The following MALSU1 variants were observed in gnomAD, a reference collection of about 807,000 sequenced individuals.
MALSU1 encodes mitochondrial assembly of ribosomal large subunit protein 1.
Under a neutral mutation model 22.1 loss-of-function variants are expected in MALSU1, and 22 were observed. The ratio of observed to expected loss-of-function variants is 1.00; its 90% CI spans 0.71 to 1.42. The LOEUF (loss-of-function observed/expected upper bound fraction) is 1.42, where lower values mean the gene tolerates loss of function less well. MALSU1 is among the 40% of genes most tolerant of loss of function. MALSU1 has a pLI of 0.00. For missense variants in MALSU1, 379 were observed against 308.3 expected (o/e 1.23, Z -1.72); for synonymous variants, 153 against 118.5 (o/e 1.29, Z -1.89).
Position 23,309,615 on chromosome 7 carries a change from G to C in MALSU1, c.*72G>C. On this transcript the variant is annotated 3_prime_UTR_variant, in exon 4 of 4. Coordinates refer to ENST00000466681, the MANE Select transcript of MALSU1 (RefSeq NM_138446.2). ...CTTATTGGAAAATACAGCTCCTAAA[G>C]TCCGTCTCCTTGGTTAGGCTGCTCT... 3 of 1,261,564 alleles carry C rather than the reference G, an allele frequency of 2.4e-6. No homozygotes were observed. The highest frequency in any genetic ancestry group is 3.3e-6 in the Non-Finnish European group (3 of 922,724). 78.1% of individuals were successfully genotyped at this position (1,261,564 alleles called of 1,614,324 possible). A position where few individuals can be genotyped will look rare whatever the true frequency, so the allele number is the denominator to read the frequency against.
chr7:23,301,302 C>G (rs1386409725), intron 2 of MALSU1: 3 of 234,376 alleles, frequency 1.3e-5, no homozygotes, highest in Non-Finnish European at 2.5e-5. Context: ...CTCTTGTTGC[C>G]CAGGCTGGAG....
chr7:23,308,064 T>C (rs368625756), intron 3 of MALSU1, 115 bp downstream of exon 3: 34 of 894,210 alleles, frequency 3.8e-5, no homozygotes, highest in East Asian at 2.9e-4. Flanking sequence ...AGGTAAGATT[T>C]TTGAAGTGTG....
chr7:23,308,004 A>T, intron 3 of MALSU1, 55 bp downstream of exon 3: 1 of 1,266,138 alleles, frequency 7.9e-7, no homozygotes, highest in Non-Finnish European at 1.2e-6. Flanking sequence ...CTAATCTTGA[A>T]TTGTTTTCAG....
At chr7:23,302,674 T>C (rs1157914040) in intron 2 of MALSU1, among the ~76,000 whole-genome samples, 1 of 152,120 alleles carries the variant, frequency 6.6e-6, no homozygotes, top group Admixed American at 6.5e-5. Context: ...TGTGAAAGAA[T>C]AAAGAAATAG....
rs1375707026 is a variant in MALSU1, at chr7:23,310,744, T to C, written c.*1201T>C. 1 of 152,214 alleles carries C rather than the reference T, an allele frequency of 6.6e-6. No individual in the cohort carries two copies. Among genetic ancestry groups the C allele is most frequent in the Non-Finnish European group, 1.5e-5 (1 of 68,040 alleles). 9.4% of individuals were successfully genotyped at this position (152,214 alleles called of 1,614,324 possible). A position where few individuals can be genotyped will look rare whatever the true frequency, so the allele number is the denominator to read the frequency against. On this transcript the variant is annotated 3_prime_UTR_variant, in exon 4 of 4. Coordinates refer to ENST00000466681, the MANE Select transcript of MALSU1 (RefSeq NM_138446.2). ...TGTCTAATTGATCTTCAGAAAAACA[T>C]CTAGTCTGTATAGAAATTCATCTTG... is the stretch of plus-strand genomic sequence containing the variant.
At position 23,308,188 on chromosome 7, in the gene MALSU1, A is replaced by T. The variant is rs546231025; in HGVS notation, c.517+239A>T. Among the ~76,000 whole-genome samples, 4 of 152,346 alleles carry T rather than the reference A, an allele frequency of 2.6e-5. No individual in the cohort carries two copies. In the East Asian group the frequency reaches 7.7e-4, roughly 29 times the overall value. On this transcript the variant is annotated intron_variant, in intron 3 of 3. Transcript: ENST00000466681. ...ATGATGCCCTCCTGGAGGAAGATATATACTACATGGTGTGTATCTACTAGC... is the reference window on the plus strand; with the variant it reads ...ATGATGCCCTCCTGGAGGAAGATATTTACTACATGGTGTGTATCTACTAGC...
At chr7:23,304,837 C>G (rs938390152) in intron 2 of MALSU1, among the ~76,000 whole-genome samples, 10 of 152,126 alleles carry the variant, frequency 6.6e-5, no homozygotes, top group African/African-American at 2.4e-4. Flanking sequence ...ATATTAATCC[C>G]TTATCAAATA....
chr7:23,299,806 G>A (rs902516230), intron 1 of MALSU1, among the ~76,000 whole-genome samples, 198 bp downstream of exon 1: 1 of 152,198 alleles, frequency 6.6e-6, no homozygotes, highest in African/African-American at 2.4e-5. Flanking sequence ...GAGGGCAAGA[G>A]ATGAACTGCA....
Position 23,311,024 on chromosome 7 carries a change from G to A in MALSU1, c.*1481G>A, listed in dbSNP as rs1783813007. 1 of 151,732 alleles carries A rather than the reference G, an allele frequency of 6.6e-6. No individual in the cohort carries two copies. The highest frequency in any genetic ancestry group is 1.5e-5 in the Non-Finnish European group (1 of 67,976). 9.4% of individuals were successfully genotyped at this position (151,732 alleles called of 1,614,324 possible). On this transcript the variant is annotated 3_prime_UTR_variant, in exon 4 of 4. Coordinates refer to ENST00000466681, the MANE Select transcript of MALSU1 (RefSeq NM_138446.2). ...AAATTATATCCCAAAAACTTTTCTT[G>A]TATTCTCTATCTTTTGACTTTTTTT...
At chr7:23,305,393 A>ATTT (rs571160861) in intron 2 of MALSU1, among the ~76,000 whole-genome samples, 2,756 of 141,472 alleles carry the variant, frequency 0.019, 85 homozygotes, top group African/African-American at 0.068. Context: ...AGTCCATATA[A>ATTT]TTTTTTTTTT....
rs139282129 is a variant in MALSU1 at position 23,309,402 on chromosome 7, T to C, written c.564T>C (p.Tyr188=). The C allele has an allele frequency of 5.0e-6, 8 of 1,613,174 alleles. No individual in the cohort carries two copies. The highest frequency in any genetic ancestry group is 1.3e-5 in the African/African-American group (1 of 74,886). Residue 188 remains tyrosine (Y), a synonymous_variant, in exon 4 of 4, where the codon TAT becomes TAC. Transcript: ENST00000466681. ...HLMLPETREI[Y]ELEKLWTLRS... is the part of the protein sequence containing the mutation. Reference sequence around the variant, plus strand: ...TGCTTCCAGAAACCAGAGAAATCTATGAATTAGAGAAATTATGGACCCTAC... The same window carrying C: ...TGCTTCCAGAAACCAGAGAAATCTACGAATTAGAGAAATTATGGACCCTAC...
chr7:23,299,407 G>A lies in MALSU1; in HGVS notation c.55G>A (p.Ala19Thr). Residue 19 changes from alanine to threonine, a missense_variant, in exon 1 of 4, where the codon GCG (alanine) becomes ACG (threonine). Transcript: ENST00000466681. ...RLLAPLMWRRAVSSVAGSAVG... is the reference protein window; with the variant it reads ...RLLAPLMWRRTVSSVAGSAVG... Reference sequence around the variant, plus strand: ...GCTCGCCCCACTAATGTGGCGCAGGGCGGTTTCCTCGGTGGCGGGGTCCGC... The same window carrying A: ...GCTCGCCCCACTAATGTGGCGCAGGACGGTTTCCTCGGTGGCGGGGTCCGC... 5 of 1,600,218 alleles carry A rather than the reference G, an allele frequency of 3.1e-6. No individual in the cohort carries two copies. Among genetic ancestry groups the A allele is most frequent in the Non-Finnish European group, 4.2e-6 (5 of 1,177,946 alleles).
chr7:23,309,628 GT>G lies in MALSU1; in HGVS notation c.*87del. The G allele has an allele frequency of 9.0e-7, 1 of 1,107,532 alleles. No homozygotes were observed. Among genetic ancestry groups the G allele is most frequent in the Non-Finnish European group, 1.3e-6 (1 of 792,238 alleles). The allele number at this position is 1,107,532 out of a possible 1,614,324, so 68.6% of individuals were successfully genotyped here. A position where few individuals can be genotyped will look rare whatever the true frequency, so the allele number is the denominator to read the frequency against. Reference sequence around the variant, plus strand: ...ACAGCTCCTAAAGTCCGTCTCCTTGGTTAGGCTGCTCTTAGGACAAGGCTTG... The same window carrying G: ...ACAGCTCCTAAAGTCCGTCTCCTTGGTAGGCTGCTCTTAGGACAAGGCTTG... On this transcript the variant is annotated 3_prime_UTR_variant, in exon 4 of 4. Transcript: ENST00000466681.
At chr7:23,301,258 T>TGG (rs1389406407) in intron 2 of MALSU1, 1 of 170,854 alleles carries the variant, frequency 5.9e-6, no homozygotes, top group South Asian at 1.8e-4. Flanking sequence ...GCAAGGAAGA[T>TGG]TTTTTTTTTT....
chr7:23,308,025 A>G (rs1434423766), intron 3 of MALSU1, 76 bp downstream of exon 3: 1 of 1,093,016 alleles, frequency 9.1e-7, no homozygotes, highest in Admixed American at 1.8e-5. Context: ...TTGCAAAAGG[A>G]TTGAGATCAA....
intron 2 of MALSU1, among the ~76,000 whole-genome samples, chr7:23,305,685 A>T (rs1275661514): frequency 2.0e-5 from 3 of 152,004 alleles, no homozygotes; most frequent in Non-Finnish European, 4.4e-5. Context: ...CCCCACATAA[A>T]GTTTAGGTTG....
chr7:23,302,857 G>A (rs113585740), intron 2 of MALSU1, among the ~76,000 whole-genome samples: 17,516 of 152,100 alleles, frequency 0.12, 2,161 homozygotes, highest in African/African-American at 0.31. Flanking sequence ...GCTCACTGCA[G>A]TCTCCGCCTC....
At position 23,299,447 on chromosome 7, in the gene MALSU1, C is replaced by T. The variant is rs1783609540; in HGVS notation, c.95C>T (p.Pro32Leu). 6.2e-7 allele frequency: 1 copy of T among 1,606,650 alleles called. No individual in the cohort carries two copies. The highest frequency in any genetic ancestry group is 1.3e-5 in the African/African-American group (1 of 74,878). The change falls in exon 1 of 4, where the codon CCC becomes CTC. Residue 32 changes from proline (P) to leucine (L), a missense_variant. Coordinates refer to ENST00000466681, the MANE Select transcript of MALSU1 (RefSeq NM_138446.2). ...GCGGGGTCCGCGGTTGGAGCCGAGC[C>T]CGGGCTTCGGCTGCTGGCCGTGCAG... ...SVAGSAVGAE[P>L]GLRLLAVQRL...
rs1396750640 is a variant in MALSU1, at chr7:23,309,462, T to C, written c.624T>C (p.Pro208=). 1 of 1,613,540 alleles carries C rather than the reference T, an allele frequency of 6.2e-7. No homozygotes were observed. The change falls in exon 4 of 4, where the codon CCT becomes CCC. Residue 208 remains proline, a synonymous_variant. Transcript: ENST00000466681. ...SYDDQLAQIA[P]ETVPEDFILG... ...ATGACCAGTTAGCTCAGATAGCACCTGAGACAGTACCTGAAGACTTCATTC... is the reference window on the plus strand; with the variant it reads ...ATGACCAGTTAGCTCAGATAGCACCCGAGACAGTACCTGAAGACTTCATTC...
Sources: gnomAD v4.1 joint callset for allele counts (sites outside exome capture counted in the v4.1 genomes callset) on GRCh38, gnomAD v4.1.1 for gene constraint, MANE v1.5 for transcripts, NCBI Gene and HGNC (gene_info 2026-07-23, HGNC 2026-07-21) for gene names.